Variants in PLXNC1 observed in about 807,000 individuals in gnomAD.
PLXNC1 encodes the protein plexin-C1.
Under a neutral mutation model 178.2 loss-of-function variants are expected in PLXNC1, and 75 were observed. That is an observed-to-expected ratio of 0.42 (90% CI 0.35 to 0.51). PLXNC1 has a LOEUF of 0.51. PLXNC1 is among the 20% of genes least tolerant of loss of function. The pLI is 0.02. For synonymous variants in PLXNC1, 790 were observed against 779.9 expected, an observed-to-expected ratio of 1.01 and a Z score of -0.22; for missense variants, 1,503 against 1,984.4, an observed-to-expected ratio of 0.76 and a Z score of 4.61.
chr12:94,201,668 T>G (rs1168899928), intron 4 of PLXNC1, among the ~76,000 whole-genome samples: 1 of 151,774 alleles, frequency 6.6e-6, no homozygotes, highest in Non-Finnish European at 1.5e-5. Context: ...TTTCATCAGT[T>G]CCTTGCAGAG....
At position 94,297,354 on chromosome 12, in the gene PLXNC1, A is replaced by G. The variant is rs114850203; in HGVS notation, c.4005A>G (p.Gly1335=). 1.7e-3 allele frequency: 2,671 copies of G among 1,614,076 alleles called. 2 individuals are homozygous for G. Among genetic ancestry groups the G allele is most frequent in the Non-Finnish European group, 2.1e-3 (2,441 of 1,179,960 alleles). ...PDSEAFQDVQ[G]KRHRGKHKFK... is the part of the protein sequence containing the mutation. The stretch of plus-strand genomic sequence containing the variant: ...CGGAAGCATTCCAAGATGTGCAAGG[A>G]AAGAGACATCGAGGGAAGCACAAGT... The change falls in exon 26 of 31, where the codon GGA becomes GGG. Residue 1335 remains glycine (G), a synonymous_variant. Transcript: ENST00000258526.
intron 24 of PLXNC1, among the ~76,000 whole-genome samples, chr12:94,295,238 TAGA>T (rs1314518856): frequency 6.6e-6 from 1 of 152,094 alleles, no homozygotes; most frequent in Non-Finnish European, 1.5e-5. Flanking sequence ...GATTCACTAT[TAGA>T]AGGAGCAGGG....
At chr12:94,203,220 G>A (rs1042897716) in intron 4 of PLXNC1, among the ~76,000 whole-genome samples, 1 of 152,202 alleles carries the variant, frequency 6.6e-6, no homozygotes, top group Non-Finnish European at 1.5e-5. Context: ...AGACCAGGTA[G>A]TGGTTCCCAA....
At chr12:94,200,361 C>T (rs1275923388) in intron 4 of PLXNC1, among the ~76,000 whole-genome samples, 1 of 152,150 alleles carries the variant, frequency 6.6e-6, no homozygotes, top group Non-Finnish European at 1.5e-5. Context: ...AATATTTGTC[C>T]TGTTCCCAGC....
rs943750428 is a variant in PLXNC1, at chr12:94,282,177, T to C, written c.3776-121T>C. The C allele has an allele frequency of 5.8e-6, 4 of 689,228 alleles. No homozygotes were observed. In the African/African-American group the frequency reaches 7.1e-5, roughly 12 times the overall value. The allele number at this position is 689,228 out of a possible 1,614,324, so 42.7% of individuals were successfully genotyped here. A position where few individuals can be genotyped will look rare whatever the true frequency, so the allele number is the denominator to read the frequency against. On this transcript the variant is annotated intron_variant, in intron 22 of 30. Coordinates refer to ENST00000258526, the MANE Select transcript of PLXNC1 (RefSeq NM_005761.3). ...TCAGGCTACCAGTCTGGCTGATGCA[T>C]CTCTACACCTTCAAACAAAGATTTA...
At chr12:94,196,689 C>T (rs934095088) in intron 4 of PLXNC1, among the ~76,000 whole-genome samples, 3 of 152,190 alleles carry the variant, frequency 2.0e-5, no homozygotes, top group African/African-American at 7.2e-5. Context: ...AGTGCCCCTT[C>T]CACAGGGAGC....
In PLXNC1 at chr12:94,282,280, CA is replaced by C. The variant is rs1308539287; in HGVS notation, c.3776-14del. 6.4e-7 allele frequency: 1 copy of C among 1,573,362 alleles called. No individual in the cohort carries two copies. Among genetic ancestry groups the C allele is most frequent in the African/African-American group, 1.4e-5 (1 of 73,932 alleles). On this transcript the variant is annotated splice_polypyrimidine_tract_variant and intron_variant, in intron 22 of 30. Transcript: ENST00000258526. ...CATTTTAAAACTCTCTAAAAAGGAA[CA>C]AAATGCTCTTTTTCAGAGCTTCAAA...
At chr12:94,285,448 T>C (rs1394658283) in intron 23 of PLXNC1, among the ~76,000 whole-genome samples, 1 of 152,158 alleles carries the variant, frequency 6.6e-6, no homozygotes, top group Non-Finnish European at 1.5e-5. Flanking sequence ...GGCATTGCTG[T>C]AGGGAGTCTA....
At chr12:94,179,815 A>G (rs918128987) in intron 2 of PLXNC1, among the ~76,000 whole-genome samples, 22 of 151,670 alleles carry the variant, frequency 1.5e-4, no homozygotes, top group Non-Finnish European at 2.8e-4. Context: ...ATTATTATCT[A>G]TTGACTATTG....
intron 1 of PLXNC1, among the ~76,000 whole-genome samples, chr12:94,165,277 G>A (rs1037756438): frequency 6.6e-6 from 1 of 152,170 alleles, no homozygotes; most frequent in African/African-American, 2.4e-5. Context: ...CGTTTCTCCG[G>A]AGCCTGTCTT....
chr12:94,207,048 T>C (rs1014887501), intron 4 of PLXNC1, among the ~76,000 whole-genome samples: 1 of 152,238 alleles, frequency 6.6e-6, no homozygotes, highest in Non-Finnish European at 1.5e-5. Context: ...AATGTAAATG[T>C]ATGAGTAATA....
At chr12:94,294,569 G>T in intron 24 of PLXNC1, 29 bp downstream of exon 24, 2 of 981,646 alleles carry the variant, frequency 2.0e-6, no homozygotes, top group Non-Finnish European at 3.2e-6. Flanking sequence ...TTAACCTTTT[G>T]TTCTCACCCA....
intron 23 of PLXNC1, among the ~76,000 whole-genome samples, chr12:94,289,989 T>C (rs776406457): frequency 3.7e-4 from 56 of 152,256 alleles, no homozygotes; most frequent in Non-Finnish European, 6.8e-4. Context: ...AGCGGGCTGT[T>C]GCCAGCTCTT....
rs560432451 is a variant in PLXNC1 at position 94,184,406 on chromosome 12, G to T, written c.1339-1967G>T. Among the ~76,000 whole-genome samples the T allele has an allele frequency of 2.4e-3, 367 of 151,678 alleles. 3 individuals are homozygous for T. Among genetic ancestry groups the T allele is most frequent in the African/African-American group, 8.3e-3 (343 of 41,308 alleles). ...CTCCCAAAGTGCTGGGATTATAGGC[G>T]TGAGCCACCTCGCCTGGCCCTCTCT... On this transcript the variant is annotated intron_variant, in intron 3 of 30. Coordinates refer to ENST00000258526, the MANE Select transcript of PLXNC1 (RefSeq NM_005761.3).
chr12:94,248,118 T>G lies in PLXNC1; in HGVS notation c.2592+12T>G. ...AAGTGAAAATTCAAGTATGTTTCTT[T>G]TCTTTCTGGGTGGGATGTCACCCCG... On this transcript the variant is annotated intron_variant, in intron 13 of 30. Coordinates refer to ENST00000258526, the MANE Select transcript of PLXNC1 (RefSeq NM_005761.3). 1 of 1,613,560 alleles carries G rather than the reference T, an allele frequency of 6.2e-7. No individual in the cohort carries two copies. The highest frequency in any genetic ancestry group is 8.5e-7 in the Non-Finnish European group (1 of 1,179,544).
intron 30 of PLXNC1, 60 bp from the exon 31 acceptor site, chr12:94,305,121 A>G (rs1968865915): frequency 9.2e-7 from 1 of 1,089,572 alleles, no homozygotes; most frequent in Non-Finnish European, 1.4e-6. Flanking sequence ...AGGTATGCAA[A>G]AAACAGAATT....
At chr12:94,169,121 T>C (rs1198891196) in intron 1 of PLXNC1, 32 bp from the exon 2 acceptor site, 1 of 1,582,348 alleles carries the variant, frequency 6.3e-7, no homozygotes, top group Non-Finnish European at 8.6e-7. Flanking sequence ...AAAATTATTA[T>C]TATTTTTTTG....
chr12:94,157,914 A>T (rs561813753), intron 1 of PLXNC1, among the ~76,000 whole-genome samples: 32 of 152,358 alleles, frequency 2.1e-4, no homozygotes, highest in African/African-American at 7.7e-4. Flanking sequence ...CCGAAATGTG[A>T]ATTCCCTGTA....
At chr12:94,231,732 G>A (rs1369023057) in intron 9 of PLXNC1, among the ~76,000 whole-genome samples, 1 of 152,124 alleles carries the variant, frequency 6.6e-6, no homozygotes, top group Non-Finnish European at 1.5e-5. Context: ...AGTATTTCAA[G>A]CTATAAAGGC....
Sources: gnomAD v4.1 joint callset for allele counts (sites outside exome capture counted in the v4.1 genomes callset) on GRCh38, gnomAD v4.1.1 for gene constraint, MANE v1.5 for transcripts, NCBI Gene and HGNC (gene_info 2026-07-23, HGNC 2026-07-21) for gene names.